HEATR5B: variants seen among roughly 807,000 people sequenced by gnomAD.
HEATR5B encodes the protein HEAT repeat containing 5B.
A neutral mutation model predicts 224.1 loss-of-function variants in HEATR5B; 156 were observed. That is an observed-to-expected ratio of 0.70 (90% CI 0.61 to 0.80). HEATR5B has a LOEUF of 0.80. Among genes scored for constraint, HEATR5B ranks in the 30% least tolerant of loss-of-function variants. HEATR5B has a pLI of 0.00. For missense variants in HEATR5B, 2,323 were observed against 2,535.5 expected (o/e 0.92, Z 1.80); for synonymous variants, 1,027 against 893.0 (o/e 1.15, Z -2.68).
At chr2:36,984,215 A>AAAAAAAAAAAATATATATAT in intron 35 of HEATR5B, among the ~76,000 whole-genome samples, 1 of 77,642 alleles carries the variant, frequency 1.3e-5, no homozygotes, top group Non-Finnish European at 2.3e-5. Context: ...AAAAAAAAAA[A>AAAAAAAAAAAATATATATAT]ATATATATAT....
chr2:37,074,153 C>G (rs1424609443), intron 5 of HEATR5B, among the ~76,000 whole-genome samples: 1 of 151,864 alleles, frequency 6.6e-6, no homozygotes, highest in Non-Finnish European at 1.5e-5. Context: ...AACCCCATCT[C>G]TACTAAAAAT....
Position 36,988,715 on chromosome 2 carries a change from C to G in HEATR5B, c.5842G>C (p.Glu1948Gln). ...ATTCCTTCTTGAACCGCTAAAAGCT[C>G]TATGTTACTGGCTGGTCTGTTTCTT... is the stretch of plus-strand genomic sequence containing the variant. ...VERNRPASNI[E>Q]LLAVQEGIKV... is the part of the protein sequence containing the mutation. The change falls in exon 35 of 36, where the codon GAG becomes CAG. Residue 1948 changes from glutamate to glutamine, a missense_variant. Glu to Gln is a conservative substitution (Grantham distance 29, BLOSUM62 2). Around this residue, in one of 12 missense-constraint regions of HEATR5B, gnomAD observed 844 missense variants for 812.9 expected, o/e 1.04. Transcript: ENST00000233099. 6.2e-7 allele frequency: 1 copy of G among 1,614,122 alleles called. No individual in the cohort carries two copies. Among genetic ancestry groups the G allele is most frequent in the Non-Finnish European group, 8.5e-7 (1 of 1,180,016 alleles).
chr2:37,060,694 A>C lies in HEATR5B; in HGVS notation c.1736T>G (p.Leu579Ter). The C allele has an allele frequency of 6.2e-7, 1 of 1,613,992 alleles. No homozygotes were observed. Among genetic ancestry groups the C allele is most frequent in the South Asian group, 1.1e-5 (1 of 91,076 alleles). ...VVRYHLPKML[L>*]LWRNVFPRSL... ...ACGTGGGAAAACATTTCGCCACAAT[A>C]ACAACATCTTGGGCAGATGGTAACG... Residue 579 changes from leucine (L) to a stop codon, truncating the protein, a stop_gained, in exon 12 of 36, where the codon TTA becomes TGA. Coordinates refer to ENST00000233099, the MANE Select transcript of HEATR5B (RefSeq NM_019024.3). LOFTEE classifies it high-confidence loss of function.
At chr2:37,001,404 C>A (rs770529471) in intron 32 of HEATR5B, among the ~76,000 whole-genome samples, 1 of 152,068 alleles carries the variant, frequency 6.6e-6, no homozygotes, top group Non-Finnish European at 1.5e-5. Flanking sequence ...TTGCAAAACT[C>A]CAAATATGGA....
rs114225850 is a variant in HEATR5B, at chr2:37,023,683, C to T, written c.3854-2847G>A. 7.8e-4 allele frequency among the ~76,000 whole-genome samples: 118 copies of T among 152,064 alleles called. 3 individuals carry two copies. The highest frequency in any genetic ancestry group is 4.2e-4 in the South Asian group (2 of 4,806). On this transcript the variant is annotated intron_variant, in intron 24 of 35. Transcript: ENST00000233099. The stretch of plus-strand genomic sequence containing the variant: ...GCTCAGGAGGCTGAGGCAGGAAGAT[C>T]GCTAAGATCGCTTGAACCCAGGAGG...
At chr2:36,984,759 G>C (rs1665833833) in intron 35 of HEATR5B, among the ~76,000 whole-genome samples, 1 of 152,116 alleles carries the variant, frequency 6.6e-6, no homozygotes, top group Non-Finnish European at 1.5e-5. Context: ...GATGCTGTAA[G>C]GAAAGAGTAA....
In HEATR5B at chr2:37,056,505, G is replaced by C. The variant is rs200961568; in HGVS notation, c.2334C>G (p.Val778=). The change falls in exon 16 of 36, where the codon GTC becomes GTG. Residue 778 remains valine, a synonymous_variant. Transcript: ENST00000233099. ...EAVPGPLPLG[V]SVIDASVALF... is the part of the protein sequence containing the mutation. ...GGGCCACAGAAGCATCAATGACTGA[G>C]ACTCCGAGAGGGAGGGGACCAGGTA... is the stretch of plus-strand genomic sequence containing the variant. 204 of 1,613,160 alleles carry C rather than the reference G, an allele frequency of 1.3e-4. No homozygotes were observed. The highest frequency in any genetic ancestry group is 1.7e-4 in the Non-Finnish European group (199 of 1,179,554).
chr2:37,005,513 T>G (rs1667354031), intron 30 of HEATR5B, 119 bp downstream of exon 30: 9 of 861,568 alleles, frequency 1.0e-5, no homozygotes, highest in Non-Finnish European at 1.5e-5. Flanking sequence ...AGGGAGTCAG[T>G]GTATTCATAT....
intron 33 of HEATR5B, among the ~76,000 whole-genome samples, chr2:36,993,234 T>TA (rs1047867130): frequency 5.1e-4 from 76 of 149,296 alleles, no homozygotes; most frequent in African/African-American, 1.8e-3. Flanking sequence ...CCCACTGAAT[T>TA]AAAAAAAAAA....
intron 2 of HEATR5B, among the ~76,000 whole-genome samples, chr2:37,082,872 C>A (rs1572962587): frequency 6.6e-6 from 1 of 151,876 alleles, no homozygotes; most frequent in Non-Finnish European, 1.5e-5. Flanking sequence ...TAGGGTCTCC[C>A]CAAACGAGCT....
At chr2:37,029,976 A>AAATAAATAAATAAAT (rs1558753810) in intron 22 of HEATR5B, among the ~76,000 whole-genome samples, 1 of 109,820 alleles carries the variant, frequency 9.1e-6, no homozygotes, top group Non-Finnish European at 1.9e-5. Context: ...AATAAATAAA[A>AAATAAATAAATAAAT]ATTGGGAAAA....
chr2:37,064,616 A>C (rs530368575), intron 10 of HEATR5B, 124 bp downstream of exon 10: 182 of 886,392 alleles, frequency 2.1e-4, no homozygotes, highest in Middle Eastern at 3.5e-4. Context: ...TAAGAACACT[A>C]TGTTTTATGA....
intron 2 of HEATR5B, among the ~76,000 whole-genome samples, chr2:37,081,364 A>G (rs906629047): frequency 1.2e-4 from 18 of 152,200 alleles, no homozygotes; most frequent in African/African-American, 4.3e-4. Flanking sequence ...CTGTTTCTAT[A>G]GAAATTCCAT....
chr2:37,032,901 A>G, intron 21 of HEATR5B, 128 bp from the exon 22 acceptor site: 1 of 781,294 alleles, frequency 1.3e-6, no homozygotes, highest in Non-Finnish European at 1.9e-6. Context: ...TTTTTTTGAG[A>G]CAGAGTTTTG....
intron 1 of HEATR5B, 94 bp from the exon 2 acceptor site, chr2:37,083,530 C>A: frequency 7.9e-6 from 7 of 886,602 alleles, no homozygotes; most frequent in Non-Finnish European, 1.2e-5. Flanking sequence ...AGTAGGACTA[C>A]TCATTTCATT....
At position 37,003,684 on chromosome 2, in the gene HEATR5B, C is replaced by T. The variant is rs767714366; in HGVS notation, c.4908G>A (p.Leu1636=). The T allele has an allele frequency of 1.3e-6, 2 of 1,586,276 alleles. No homozygotes were observed. The highest frequency in any genetic ancestry group is 1.7e-6 in the Non-Finnish European group (2 of 1,166,504). The stretch of plus-strand genomic sequence containing the variant: ...AAACACTCAGCAACTCAACACCTAT[C>T]AGCTAATACAAATAAATACAAATAC... ...YARVHIAEDQ[L]IGVELLSVLH... is the part of the protein sequence containing the mutation. The change falls in exon 31 of 36, where the codon CTG becomes CTA. Residue 1636 remains leucine, a splice_region_variant and synonymous_variant. Transcript: ENST00000233099.
At chr2:36,985,809 T>C (rs1665916145) in intron 35 of HEATR5B, among the ~76,000 whole-genome samples, 1 of 151,984 alleles carries the variant, frequency 6.6e-6, no homozygotes, top group East Asian at 1.9e-4. Flanking sequence ...TGCTACAAAT[T>C]GGTCTGGTTG....
chr2:37,003,451 G>A (rs2148380332), intron 31 of HEATR5B, 91 bp downstream of exon 31: 1 of 934,664 alleles, frequency 1.1e-6, no homozygotes, highest in East Asian at 2.7e-5. Context: ...AATAAAATAA[G>A]AACTATAGAA....
intron 8 of HEATR5B, among the ~76,000 whole-genome samples, chr2:37,067,852 A>T (rs1327312397): frequency 1.3e-5 from 2 of 152,122 alleles, no homozygotes; most frequent in African/African-American, 4.8e-5. Context: ...AACTATTTAT[A>T]TTTTTTTACT....
Sources: allele counts gnomAD v4.1 joint callset (sites outside exome capture counted in the v4.1 genomes callset), GRCh38; gene constraint gnomAD v4.1.1; regional missense constraint gnomAD v4.1.1; transcripts MANE v1.5; gene names NCBI Gene and HGNC (gene_info 2026-07-23, HGNC 2026-07-21).